The following MALRD1 variants were observed in gnomAD, a reference collection of about 807,000 sequenced individuals.
MALRD1 encodes the protein MAM and LDL receptor class A domain containing 1, also known as MAM and LDL-receptor class A domain-containing protein 1.
Under a neutral mutation model 242.1 loss-of-function variants are expected in MALRD1, and 247 were observed. That is an observed-to-expected ratio of 1.02 (90% confidence interval 0.92 to 1.13). The LOEUF is 1.13. Ranked by LOEUF, MALRD1 falls within the 50% of genes most tolerant of loss-of-function variation. The probability of loss-of-function intolerance (pLI) is 0.00; values close to 1 mark genes in which losing one functional copy is unlikely to be tolerated. For synonymous variants in MALRD1, 995 were observed against 866.6 expected (o/e 1.15, Z -2.60); for missense variants, 2,989 against 2,533.1 (o/e 1.18, Z -3.86).
chr10:19,554,865 G>T (rs1326820817), intron 32 of MALRD1, among the ~76,000 whole-genome samples: 1 of 152,064 alleles, frequency 6.6e-6, no homozygotes, highest in Admixed American at 6.6e-5. Context: ...ATGCATGCAT[G>T]TATCTTTGTA....
chr10:19,728,819 C>T (rs1464873188), intron 38 of MALRD1, among the ~76,000 whole-genome samples: 2 of 152,186 alleles, frequency 1.3e-5, no homozygotes, highest in South Asian at 2.1e-4. Flanking sequence ...TCATCCCTGG[C>T]TCAGTTCATG....
chr10:19,709,780 A>G (rs1487631904), intron 38 of MALRD1, among the ~76,000 whole-genome samples: 1 of 152,170 alleles, frequency 6.6e-6, no homozygotes, highest in African/African-American at 2.4e-5. Flanking sequence ...CTAATTTACA[A>G]TTCATGATTA....
rs1003966564 is a variant in MALRD1, at chr10:19,706,875, T to C, written c.6314+14321T>C. ...AAAAATAGGGAGAACTGGATATTCA[T>C]AATCCTGGATTCCTTCCTGCAACCT... On this transcript the variant is annotated intron_variant, in intron 38 of 39. Transcript: ENST00000454679. Among the ~76,000 whole-genome samples, 72 of 152,278 alleles carry C rather than the reference T, an allele frequency of 4.7e-4. 1 individual carries two copies. Among genetic ancestry groups the C allele is most frequent in the African/African-American group, 1.6e-3 (68 of 41,560 alleles).
chr10:19,569,090 A>C lies in MALRD1; in HGVS notation c.5680+1387A>C, dbSNP rs117134086. Among the ~76,000 whole-genome samples, 1,185 of 152,260 alleles carry C rather than the reference A, an allele frequency of 7.8e-3. 15 individuals carry two copies. The highest frequency in any genetic ancestry group is 0.012 in the Non-Finnish European group (819 of 67,976). ...GTAAATATATTCTAGATCGATATTC[A>C]TATAGTAATAAGAATAGATTATTCA... On this transcript the variant is annotated intron_variant, in intron 33 of 39. Transcript: ENST00000454679.
intron 34 of MALRD1, 31 bp from the exon 35 acceptor site, chr10:19,607,746 A>C: frequency 6.5e-7 from 1 of 1,537,400 alleles, no homozygotes; most frequent in Non-Finnish European, 8.8e-7. Context: ...TCATGCTGGC[A>C]TCCCTGATCA....
At chr10:19,589,744 C>G (rs773695876) in intron 33 of MALRD1, among the ~76,000 whole-genome samples, 1 of 152,182 alleles carries the variant, frequency 6.6e-6, no homozygotes, top group Admixed American at 6.5e-5. Flanking sequence ...CAGTCATCAA[C>G]GTTTCTGAGT....
intron 22 of MALRD1, 28 bp from the exon 23 acceptor site, chr10:19,327,535 G>A (rs1008153241): frequency 7.3e-6 from 11 of 1,499,268 alleles, no homozygotes; most frequent in Non-Finnish European, 9.1e-6. Context: ...AAATACTTCA[G>A]TGCCTTTTAC....
At chr10:19,148,297 C>T (rs1254420019) in intron 11 of MALRD1, among the ~76,000 whole-genome samples, 1 of 151,254 alleles carries the variant, frequency 6.6e-6, no homozygotes, top group East Asian at 2.0e-4. Context: ...CACGGGCTGC[C>T]CAGGGTTCCG....
chr10:19,585,959 G>T lies in MALRD1; in HGVS notation c.5681-9235G>T, dbSNP rs888132919. Among the ~76,000 whole-genome samples the T allele has an allele frequency of 3.3e-5, 5 of 151,944 alleles. No individual in the cohort carries two copies. In the South Asian group the frequency reaches 1.0e-3, roughly 32 times the overall value. On this transcript the variant is annotated intron_variant, in intron 33 of 39. Transcript: ENST00000454679. ...CTTTTTCCTCTAAACTTCCCTTCTCGCTTCATTTCATTCATTTCATCTTCC... is the reference window on the plus strand; with the variant it reads ...CTTTTTCCTCTAAACTTCCCTTCTCTCTTCATTTCATTCATTTCATCTTCC...
At position 19,317,348 on chromosome 10, in the gene MALRD1, T is replaced by C. The variant is rs904086865; in HGVS notation, c.3420-6601T>C. Among the ~76,000 whole-genome samples the C allele has an allele frequency of 2.0e-5, 3 of 151,898 alleles. No homozygotes were observed. In the East Asian group the frequency reaches 5.8e-4, roughly 29 times the overall value. On this transcript the variant is annotated intron_variant, in intron 21 of 39. Coordinates refer to ENST00000454679, the MANE Select transcript of MALRD1 (RefSeq NM_001142308.3). ...AAAGTAATCCCAATCATGACAGTTT[T>C]ACCCTAAAAACCCAACCACCTCCCA...
chr10:19,381,387 T>C (rs1397726439), intron 26 of MALRD1, among the ~76,000 whole-genome samples: 1 of 152,066 alleles, frequency 6.6e-6, no homozygotes, highest in Non-Finnish European at 1.5e-5. Context: ...CATGTGTCTT[T>C]ATAGTTCTTA....
At chr10:19,081,263 G>T (rs1169359913) in intron 2 of MALRD1, among the ~76,000 whole-genome samples, 1 of 151,922 alleles carries the variant, frequency 6.6e-6, no homozygotes, top group Non-Finnish European at 1.5e-5. Context: ...CCCATTACTG[G>T]GTATATAACC....
chr10:19,376,014 C>T (rs2130766381), intron 26 of MALRD1, among the ~76,000 whole-genome samples: 1 of 152,244 alleles, frequency 6.6e-6, no homozygotes, highest in African/African-American at 2.4e-5. Flanking sequence ...CCCAGCTACT[C>T]AGGAGGCTGA....
At chr10:19,328,109 G>A (rs187904833) in intron 23 of MALRD1, among the ~76,000 whole-genome samples, 418 of 152,146 alleles carry the variant, frequency 2.7e-3, no homozygotes, top group African/African-American at 8.5e-3. Flanking sequence ...TTTTTGGGGG[G>A]CACAGTATTG....
At position 19,232,776 on chromosome 10, in the gene MALRD1, T is replaced by C. The variant is rs148733058; in HGVS notation, c.2991+23096T>C. On this transcript the variant is annotated intron_variant, in intron 18 of 39. Coordinates refer to ENST00000454679, the MANE Select transcript of MALRD1 (RefSeq NM_001142308.3). Reference sequence around the variant, plus strand: ...AAGCATGCAGATGAATTTCGGTGAATACAGTGGTGACAATGCTCAACAGAA... The same window carrying C: ...AAGCATGCAGATGAATTTCGGTGAACACAGTGGTGACAATGCTCAACAGAA... Among the ~76,000 whole-genome samples, 390 of 152,210 alleles carry C rather than the reference T, an allele frequency of 2.6e-3. 3 individuals are homozygous for C. The highest frequency in any genetic ancestry group is 9.0e-3 in the African/African-American group (375 of 41,546).
chr10:19,250,783 A>G (rs1836551602), intron 18 of MALRD1, among the ~76,000 whole-genome samples: 1 of 151,762 alleles, frequency 6.6e-6, no homozygotes. Context: ...TTAGATTCCA[A>G]AGTAAAGATC....
chr10:19,557,943 G>A (rs563465852), intron 32 of MALRD1, among the ~76,000 whole-genome samples: 20 of 151,994 alleles, frequency 1.3e-4, no homozygotes, highest in African/African-American at 3.6e-4. Context: ...CATCAGTTTT[G>A]TAGTGTTCTT....
intron 18 of MALRD1, among the ~76,000 whole-genome samples, chr10:19,223,306 G>T (rs1199966850): frequency 1.3e-5 from 2 of 152,032 alleles, no homozygotes; most frequent in African/African-American, 4.8e-5. Context: ...TGCTGGGGAA[G>T]CTCTTTTCAG....
intron 19 of MALRD1, among the ~76,000 whole-genome samples, chr10:19,276,370 C>G (rs1489421413): frequency 9.6e-6 from 1 of 104,118 alleles, no homozygotes; most frequent in African/African-American, 3.9e-5. Flanking sequence ...ATTTAGCGAT[C>G]AAATTAGATT....
Sources: allele counts gnomAD v4.1 joint callset (sites outside exome capture counted in the v4.1 genomes callset), GRCh38; gene constraint gnomAD v4.1.1; transcripts MANE v1.5; gene names NCBI Gene and HGNC (gene_info 2026-07-23, HGNC 2026-07-21).